The following SRGAP3 variants were observed in gnomAD, a reference collection of about 807,000 sequenced individuals.
SRGAP3 encodes SLIT-ROBO Rho GTPase activating protein 3.
A neutral mutation model predicts 121.1 loss-of-function variants in SRGAP3; 39 were observed. The observed-to-expected ratio is 0.32, with a 90% CI of 0.25 to 0.42. The LOEUF is 0.42. SRGAP3 is among the 10% of genes least tolerant of loss of function. The pLI is 1.00. For missense variants in SRGAP3, 1,213 were observed against 1,470.6 expected (o/e 0.82, Z 2.86); for synonymous variants, 601 against 570.0 (o/e 1.05, Z -0.77).
chr3:9,022,773 C>T (rs530893084), intron 14 of SRGAP3, among the ~76,000 whole-genome samples: 5 of 152,086 alleles, frequency 3.3e-5, no homozygotes, highest in East Asian at 3.9e-4. Context: ...ACCAGGCTGG[C>T]GAGAGAATGA....
rs149492669 is a variant in SRGAP3, at chr3:9,260,350, T to C, written n.442+65660A>G. Among the ~76,000 whole-genome samples the C allele has an allele frequency of 2.6e-3, 403 of 152,220 alleles. 2 individuals are homozygous for C. Among genetic ancestry groups the C allele is most frequent in the African/African-American group, 8.2e-3 (340 of 41,536 alleles). ...CTGAAGACAGGGAGCCGAGTGATTG[T>C]GCTAAGTGGACCCCACCCCCATGGA... On this transcript the variant is annotated intron_variant and non_coding_transcript_variant, in intron 3 of 3. Coordinates refer to the SRGAP3 transcript ENST00000490889.
rs1163547971 is a variant in SRGAP3, at chr3:8,984,077, A to C, written c.*1442T>G. The C allele has an allele frequency of 4.3e-6, 1 of 231,954 alleles. No individual in the cohort carries two copies. The highest frequency in any genetic ancestry group is 6.1e-5 in the East Asian group (1 of 16,442). 14.4% of individuals were successfully genotyped at this position (231,954 alleles called of 1,614,324 possible). On this transcript the variant is annotated 3_prime_UTR_variant, in exon 22 of 22. Coordinates refer to ENST00000383836, the MANE Select transcript of SRGAP3 (RefSeq NM_014850.4). The stretch of plus-strand genomic sequence containing the variant: ...TGGAATCGAAGGAGAGCGACCCGGA[A>C]GGGCTTTACTTGGCCAAGAGGCAAA...
Position 9,053,373 on chromosome 3 carries a change from T to C in SRGAP3, c.1126-149A>G, listed in dbSNP as rs1013444275. On this transcript the variant is annotated intron_variant, in intron 8 of 21. Transcript: ENST00000383836. ...AAAATAATCCTTCTCACTGTATTAA[T>C]GTGGAAAACACAAATTAGTCACCAA... 7.0e-5 allele frequency: 62 copies of C among 879,850 alleles called. No homozygotes were observed. In the Middle Eastern group the frequency reaches 1.0e-3, roughly 14 times the overall value. 54.5% of individuals were successfully genotyped at this position (879,850 alleles called of 1,614,324 possible).
At chr3:9,203,699 CCT>C (rs1952152282) in intron 1 of SRGAP3, among the ~76,000 whole-genome samples, 1 of 152,168 alleles carries the variant, frequency 6.6e-6, no homozygotes, top group Non-Finnish European at 1.5e-5. Flanking sequence ...ATTGTATGCC[CCT>C]GTGCCCACCT....
chr3:9,134,143 C>G (rs1949557747), intron 1 of SRGAP3, among the ~76,000 whole-genome samples: 1 of 152,172 alleles, frequency 6.6e-6, no homozygotes, highest in Admixed American at 6.5e-5. Context: ...GGCCTCTGCC[C>G]CTTGCCTGCA....
intron 1 of SRGAP3, among the ~76,000 whole-genome samples, chr3:9,177,196 G>C (rs925615088): frequency 1.3e-5 from 2 of 152,188 alleles, no homozygotes; most frequent in Non-Finnish European, 2.9e-5. Context: ...GGGTGATGTG[G>C]ACACAAAAGG....
At chr3:9,015,464 TTCTACGAGG>T in intron 15 of SRGAP3, 124 bp downstream of exon 15, 11 of 1,184,542 alleles carry the variant, frequency 9.3e-6, no homozygotes, top group South Asian at 6.6e-5. Flanking sequence ...CCGCTTTCAG[TTCTACGAGG>T]ATGCACGTCA....
At chr3:9,234,962 G>C (rs1015826039) in intron 1 of SRGAP3, among the ~76,000 whole-genome samples, 7 of 152,182 alleles carry the variant, frequency 4.6e-5, no homozygotes, top group Non-Finnish European at 5.9e-5. Context: ...TCAGGGATGG[G>C]AAGGGGGAAA....
intron 21 of SRGAP3, 72 bp downstream of exon 21, chr3:8,990,440 C>T (rs568416757): frequency 3.1e-5 from 47 of 1,536,362 alleles, no homozygotes; most frequent in African/African-American, 8.2e-5. Flanking sequence ...GGTGGCTCCC[C>T]GCTCCACGGA....
At chr3:9,144,660 C>T (rs1300815721) in intron 1 of SRGAP3, among the ~76,000 whole-genome samples, 5 of 152,164 alleles carry the variant, frequency 3.3e-5, no homozygotes, top group East Asian at 3.9e-4. Context: ...TTTCTCTTGC[C>T]GCCACCATGT....
At position 9,134,846 on chromosome 3, in the gene SRGAP3, T is replaced by C. The variant is rs1158894987; in HGVS notation, c.68-9929A>G. Among the ~76,000 whole-genome samples, 3 of 152,180 alleles carry C rather than the reference T, an allele frequency of 2.0e-5. No homozygotes were observed. The East Asian group carries it at 5.8e-4, about 29-fold the overall frequency. On this transcript the variant is annotated intron_variant, in intron 1 of 21. Coordinates refer to ENST00000383836, the MANE Select transcript of SRGAP3 (RefSeq NM_014850.4). ...TCTGAGGAGAGAAATCTCAGCTTCA[T>C]AGCACAATGTAGCGGGCTCTGGGTT...
intron 1 of SRGAP3, among the ~76,000 whole-genome samples, chr3:9,243,689 T>G (rs1330452699): frequency 6.6e-6 from 1 of 150,846 alleles, no homozygotes; most frequent in Non-Finnish European, 1.5e-5. Context: ...TTTTTTGCGT[T>G]TATAAGAGCA....
At chr3:9,348,868 C>G in intron 1 of SRGAP3, 1 of 1,241,978 alleles carries the variant, frequency 8.1e-7, no homozygotes, top group Non-Finnish European at 1.2e-6. Flanking sequence ...GGTTTGCAAA[C>G]CTCACTGAAG....
chr3:9,037,643 G>A, intron 11 of SRGAP3: 1 of 261,526 alleles, frequency 3.8e-6, no homozygotes, highest in Non-Finnish European at 7.5e-6. Flanking sequence ...GGTACATGGG[G>A]ACCTCAGGCT....
chr3:9,304,788 C>T (rs1324333775), intron 3 of SRGAP3, among the ~76,000 whole-genome samples: 2 of 152,272 alleles, frequency 1.3e-5, no homozygotes, highest in Non-Finnish European at 2.9e-5. Flanking sequence ...AATTTTGAGT[C>T]CCTTATTCCT....
At chr3:9,230,524 G>C (rs1405465242) in intron 1 of SRGAP3, among the ~76,000 whole-genome samples, 8 of 152,084 alleles carry the variant, frequency 5.3e-5, no homozygotes, top group Non-Finnish European at 1.0e-4. Flanking sequence ...CTCATCTAAT[G>C]GTGCTACCTG....
At chr3:9,068,556 G>A (rs998684682) in intron 4 of SRGAP3, among the ~76,000 whole-genome samples, 6 of 152,090 alleles carry the variant, frequency 3.9e-5, no homozygotes, top group African/African-American at 1.2e-4. Flanking sequence ...CTCCACTGCC[G>A]AGGGTGACTT....
chr3:9,359,174 CT>C (rs1559292210), intron 1 of SRGAP3, among the ~76,000 whole-genome samples: 1 of 152,172 alleles, frequency 6.6e-6, no homozygotes, highest in Non-Finnish European at 1.5e-5. Context: ...CTCTTTGGAA[CT>C]TAAATGATCC....
intron 10 of SRGAP3, among the ~76,000 whole-genome samples, chr3:9,044,139 T>G (rs1417316357): frequency 1.3e-5 from 2 of 152,194 alleles, no homozygotes; most frequent in East Asian, 3.8e-4. Flanking sequence ...AAATCCACTT[T>G]TAAGTAAAGC....
Sources: gnomAD v4.1 joint callset for allele counts (sites outside exome capture counted in the v4.1 genomes callset) on GRCh38, gnomAD v4.1.1 for gene constraint, MANE v1.5 for transcripts, NCBI Gene and HGNC (gene_info 2026-07-23, HGNC 2026-07-21) for gene names.